The following PTPRM variants were observed in gnomAD, a reference collection of about 807,000 sequenced individuals.
The protein encoded by PTPRM is receptor-type tyrosine-protein phosphatase mu.
In PTPRM, 47 loss-of-function variants were observed where a neutral mutation model predicts 186.7. The observed-to-expected ratio is 0.25, with a 90% CI of 0.20 to 0.32. The LOEUF (loss-of-function observed/expected upper bound fraction) is 0.32. Among genes scored for constraint, PTPRM ranks in the 10% least tolerant of loss-of-function variants. The pLI is 1.00. For synonymous variants in PTPRM, 668 were observed against 674.9 expected, an observed-to-expected ratio of 0.99 and a Z score of 0.16; for missense variants, 1,494 against 1,865.0, an observed-to-expected ratio of 0.80 and a Z score of 3.66.
At chr18:7,684,136 GT>G (rs1172353069) in intron 1 of PTPRM, among the ~76,000 whole-genome samples, 2 of 151,786 alleles carry the variant, frequency 1.3e-5, no homozygotes, top group Non-Finnish European at 2.9e-5. Flanking sequence ...CTCCTATTCT[GT>G]TTTTTCAGTT....
chr18:8,037,360 A>C (rs987927848), intron 7 of PTPRM, among the ~76,000 whole-genome samples: 2 of 152,172 alleles, frequency 1.3e-5, no homozygotes, highest in African/African-American at 4.8e-5. Flanking sequence ...TTTCTGCTTC[A>C]GATAATGGCT....
intron 5 of PTPRM, among the ~76,000 whole-genome samples, chr18:7,928,580 C>T (rs2051305541): frequency 6.6e-6 from 1 of 152,040 alleles, no homozygotes; most frequent in African/African-American, 2.4e-5. Context: ...ACTATTTGTT[C>T]CTTTGATTTA....
chr18:8,245,669 A>G (rs2094470847), intron 15 of PTPRM, among the ~76,000 whole-genome samples: 1 of 152,220 alleles, frequency 6.6e-6, no homozygotes, highest in Non-Finnish European at 1.5e-5. Context: ...GAATTTTTGT[A>G]GTAGCAGGTA....
chr18:7,773,312 G>C (rs1328360880), intron 1 of PTPRM, among the ~76,000 whole-genome samples: 1 of 151,996 alleles, frequency 6.6e-6, no homozygotes, highest in African/African-American at 2.4e-5. Context: ...TAATTCTTTG[G>C]AAAATATTTT....
chr18:7,737,071 T>C (rs2144462580), intron 1 of PTPRM, among the ~76,000 whole-genome samples: 1 of 152,328 alleles, frequency 6.6e-6, no homozygotes, highest in African/African-American at 2.4e-5. Context: ...CCCAAAGTGC[T>C]GGGATTATAG....
chr18:7,909,553 G>A (rs1315949478), intron 4 of PTPRM, among the ~76,000 whole-genome samples: 3 of 152,138 alleles, frequency 2.0e-5, no homozygotes, highest in Admixed American at 6.5e-5. Context: ...AAGCTTTACA[G>A]GTAATATTTT....
intron 2 of PTPRM, chr18:7,814,055 AT>A (rs2145518290): frequency 6.6e-6 from 1 of 152,140 alleles, no homozygotes; most frequent in South Asian, 2.1e-4. Flanking sequence ...CTTGGTCTTC[AT>A]TTTCTTCAAA....
chr18:8,282,703 A>T (rs1044117273), intron 19 of PTPRM, among the ~76,000 whole-genome samples: 1 of 152,158 alleles, frequency 6.6e-6, no homozygotes, highest in African/African-American at 2.4e-5. Context: ...CAGATTTACT[A>T]CATGACCCAG....
intron 2 of PTPRM, among the ~76,000 whole-genome samples, chr18:7,854,734 T>G (rs2047014383): frequency 4.2e-5 from 1 of 23,978 alleles, no homozygotes; most frequent in Non-Finnish European, 9.3e-5. Flanking sequence ...GTTAGGAGTT[T>G]TTTTTTTTTT....
rs146073268 is a variant in PTPRM, at chr18:8,384,665, C to T, written c.4023C>T (p.Phe1341=). Reference sequence around the variant, plus strand: ...AAGAGGACATCATCAGCAGGATATTCCGCATTTACAATGCCGCCAGAGTAA... The same window carrying T: ...AAGAGGACATCATCAGCAGGATATTTCGCATTTACAATGCCGCCAGAGTAA... ...DLEEDIISRI[F]RIYNAARPQD... The change falls in exon 30 of 33, where the codon TTC becomes TTT. Residue 1341 remains phenylalanine (F), a synonymous_variant. Coordinates refer to ENST00000580170, the MANE Select transcript of PTPRM (RefSeq NM_001105244.2). The T allele has an allele frequency of 2.9e-5, 47 of 1,614,024 alleles. No individual in the cohort carries two copies. Among genetic ancestry groups the T allele is most frequent in the Non-Finnish European group, 3.9e-5 (46 of 1,180,038 alleles).
At chr18:7,803,945 A>G (rs1041987841) in intron 2 of PTPRM, among the ~76,000 whole-genome samples, 1 of 152,220 alleles carries the variant, frequency 6.6e-6, no homozygotes, top group Non-Finnish European at 1.5e-5. Flanking sequence ...CAAAAAAGCA[A>G]TTCTGAAAAG....
intron 2 of PTPRM, among the ~76,000 whole-genome samples, chr18:7,861,321 C>T: frequency 6.6e-6 from 1 of 152,004 alleles, no homozygotes; most frequent in African/African-American, 2.4e-5. Flanking sequence ...ATAAAGTAAA[C>T]AGAATAATGA....
chr18:8,009,841 T>G (rs950740829), intron 7 of PTPRM, among the ~76,000 whole-genome samples: 3 of 152,218 alleles, frequency 2.0e-5, no homozygotes, highest in African/African-American at 7.2e-5. Context: ...AAATTTACTT[T>G]GCTATAATGA....
chr18:7,676,229 GAAAATAAA>G (rs111251739), intron 1 of PTPRM, among the ~76,000 whole-genome samples: 57 of 152,172 alleles, frequency 3.7e-4, no homozygotes, highest in African/African-American at 1.3e-3. Context: ...TTAGCTATTA[GAAAATAAA>G]AATTATTTAT....
chr18:7,572,586 T>C (rs979978967), intron 1 of PTPRM, among the ~76,000 whole-genome samples: 1 of 152,204 alleles, frequency 6.6e-6, no homozygotes, highest in African/African-American at 2.4e-5. Context: ...GCATGTATTA[T>C]CTAAATATCC....
intron 7 of PTPRM, among the ~76,000 whole-genome samples, chr18:8,032,988 T>C (rs1013669185): frequency 1.3e-5 from 2 of 152,158 alleles, no homozygotes; most frequent in African/African-American, 2.4e-5. Context: ...TTGAAAAGCC[T>C]GAGATTCTTC....
intron 23 of PTPRM, among the ~76,000 whole-genome samples, chr18:8,347,759 C>G (rs756830213): frequency 6.6e-6 from 1 of 151,896 alleles, no homozygotes; most frequent in South Asian, 2.1e-4. Flanking sequence ...AATCTAAGTC[C>G]GTAGATTTAA....
At chr18:8,161,139 A>G (rs1568444643) in intron 14 of PTPRM, among the ~76,000 whole-genome samples, 1 of 152,210 alleles carries the variant, frequency 6.6e-6, no homozygotes, top group East Asian at 1.9e-4. Flanking sequence ...CAAAATGAAG[A>G]GGTGACATAG....
chr18:7,627,977 G>T (rs540423370), intron 1 of PTPRM, among the ~76,000 whole-genome samples: 1 of 152,120 alleles, frequency 6.6e-6, no homozygotes, highest in African/African-American at 2.4e-5. Context: ...AAAACAAAAA[G>T]CCACCTTATT....
Sources: gnomAD v4.1 joint callset for allele counts (sites outside exome capture counted in the v4.1 genomes callset) on GRCh38, gnomAD v4.1.1 for gene constraint, MANE v1.5 for transcripts, NCBI Gene and HGNC (gene_info 2026-07-23, HGNC 2026-07-21) for gene names.